The following MSLN variants were observed in gnomAD, a reference collection of about 807,000 sequenced individuals.
The protein encoded by MSLN is CAK1 antigen.
MSLN carries 82 observed loss-of-function variants against 72.6 expected under a neutral mutation model. The ratio of observed to expected loss-of-function variants is 1.13; its 90% CI spans 0.94 to 1.36. MSLN has a LOEUF of 1.36. Among genes scored for constraint, MSLN ranks in the 40% most tolerant of loss-of-function variants. MSLN has a pLI of 0.00. For missense variants in MSLN, 1,005 were observed against 847.9 expected, an observed-to-expected ratio of 1.19 and a Z score of -2.30; for synonymous variants, 456 against 387.3, an observed-to-expected ratio of 1.18 and a Z score of -2.08.
At chr16:767,250 C>A in intron 15 of MSLN, 126 bp from the exon 16 acceptor site, 1 of 1,139,608 alleles carries the variant, frequency 8.8e-7, no homozygotes, top group Non-Finnish European at 1.3e-6. Flanking sequence ...CTAGGCAAAC[C>A]CAGGCCCTGG....
At chr16:768,064 A>G (rs1372066741) in intron 16 of MSLN, among the ~76,000 whole-genome samples, 3 of 63,786 alleles carry the variant, frequency 4.7e-5, no homozygotes, top group Admixed American at 3.9e-4. Flanking sequence ...GAGGAGGGGC[A>G]CATGGAGGGG....
Position 764,676 on chromosome 16 carries a change from GC to G in MSLN, c.336del (p.Glu113ArgfsTer65). On this transcript the variant is annotated frameshift_variant, in exon 7 of 18. Coordinates refer to ENST00000545450, the MANE Select transcript of MSLN (RefSeq NM_005823.6). LOFTEE classifies it high-confidence loss of function. ...LRCLAHRLSE[P>X]PEDLDALPLD... ...GCTGTCTGGCTCACCGGCTCTCTGA[GC>G]CCCCCGAGGACCTGGACGCCCTCCC... 6.2e-7 allele frequency: 1 copy of G among 1,612,426 alleles called. No individual in the cohort carries two copies. The highest frequency in any genetic ancestry group is 1.3e-5 in the African/African-American group (1 of 75,020).
chr16:762,850 CT>C, intron 3 of MSLN, 85 bp downstream of exon 3: 1 of 1,165,556 alleles, frequency 8.6e-7, no homozygotes, highest in Admixed American at 2.4e-5. Flanking sequence ...TTGCCTGCCC[CT>C]GCCTTCTCCC....
At chr16:763,924 G>A in intron 5 of MSLN, 99 bp from the exon 6 acceptor site, 1 of 1,520,334 alleles carries the variant, frequency 6.6e-7, no homozygotes, top group Non-Finnish European at 8.8e-7. Context: ...GAGCACCAGG[G>A]TCCTTTGGGG....
intron 2 of MSLN, among the ~76,000 whole-genome samples, chr16:762,367 T>G (rs763426393): frequency 3.9e-5 from 6 of 152,136 alleles, no homozygotes; most frequent in Non-Finnish European, 7.4e-5. Context: ...CCCGGTTGCT[T>G]GATCTAAGCT....
At chr16:767,527 TG>T (rs1311037965) in intron 16 of MSLN, 57 bp downstream of exon 16, 144 of 425,830 alleles carry the variant, frequency 3.4e-4, no homozygotes, top group South Asian at 9.5e-4. Context: ...GAGGGGCGAG[TG>T]GGAGGAGGGG....
chr16:761,438 C>A (rs1439926827), intron 2 of MSLN, among the ~76,000 whole-genome samples: 5 of 152,224 alleles, frequency 3.3e-5, no homozygotes, highest in Non-Finnish European at 7.3e-5. Context: ...CCCCCATGGC[C>A]TGCAGAGGCC....
Position 766,811 on chromosome 16 carries a change from G to C in MSLN, c.1373+1G>C. On this transcript the variant is annotated splice_donor_variant, in intron 14 of 17. Coordinates refer to ENST00000545450, the MANE Select transcript of MSLN (RefSeq NM_005823.6). LOFTEE classifies it high-confidence loss of function. ...GCTCCGTGCCCCCCAGCAGCATCTG[G>C]TGAGTCCCCAGAACTCTGCCCGGCA... The C allele has an allele frequency of 6.2e-7, 1 of 1,612,426 alleles. No individual in the cohort carries two copies. The highest frequency in any genetic ancestry group is 8.5e-7 in the Non-Finnish European group (1 of 1,179,870).
At chr16:763,963 A>C in intron 5 of MSLN, 60 bp from the exon 6 acceptor site, 2 of 1,583,932 alleles carry the variant, frequency 1.3e-6, no homozygotes, top group Non-Finnish European at 1.7e-6. Context: ...CTTGGGGAGC[A>C]CTGGGTGGAC....
At chr16:764,791 T>C (rs2041582601) in intron 7 of MSLN, 65 bp downstream of exon 7, 35 of 1,313,236 alleles carry the variant, frequency 2.7e-5, no homozygotes, top group Non-Finnish European at 3.5e-5. Context: ...CCCAACCCCC[T>C]GCCCCTTGCC....
Position 765,238 on chromosome 16 carries a change from AC to A in MSLN, c.643del (p.Leu215TrpfsTer97). ...TACCCCGGCTGGTGAGCTGCCCGGGACCCCTGGACCAGGACCAGCAGGAGGC... is the reference window on the plus strand; with the variant it reads ...TACCCCGGCTGGTGAGCTGCCCGGGACCCTGGACCAGGACCAGCAGGAGGC... The part of the protein sequence containing the change: ...LLPRLVSCPG[P>X]LDQDQQEAAR... On this transcript the variant is annotated frameshift_variant, in exon 9 of 18. Coordinates refer to ENST00000545450, the MANE Select transcript of MSLN (RefSeq NM_005823.6). LOFTEE classifies it high-confidence loss of function. 6.3e-7 allele frequency: 1 copy of A among 1,583,972 alleles called. No individual in the cohort carries two copies. The highest frequency in any genetic ancestry group is 1.1e-5 in the South Asian group (1 of 88,512).
At position 768,577 on chromosome 16, in the gene MSLN, G is replaced by T; in HGVS notation, c.1783+12G>T. The T allele has an allele frequency of 6.2e-7, 1 of 1,608,290 alleles. No individual in the cohort carries two copies. The highest frequency in any genetic ancestry group is 8.5e-7 in the Non-Finnish European group (1 of 1,177,720). The stretch of plus-strand genomic sequence containing the variant: ...CCTCAGCATGCAAGGTGGGCGGGGC[G>T]GCCAGGCCAGGGCTGGGGGCAGAGC... On this transcript the variant is annotated intron_variant, in intron 17 of 17. Coordinates refer to ENST00000545450, the MANE Select transcript of MSLN (RefSeq NM_005823.6).
Position 765,197 on chromosome 16 carries a change from T to C in MSLN, c.598T>C (p.Ser200Pro). ...CDLPGRFVAE[S>P]AEVLLPRLVS... is the part of the protein sequence containing the mutation. ...CCTGCCTGGGCGCTTTGTGGCCGAG[T>C]CGGCCGAAGTGCTGCTACCCCGGCT... Residue 200 changes from serine (S) to proline (P), a missense_variant, in exon 9 of 18, where the codon TCG becomes CCG. Transcript: ENST00000545450. 3.1e-6 allele frequency: 5 copies of C among 1,593,064 alleles called. No homozygotes were observed. Among genetic ancestry groups the C allele is most frequent in the Non-Finnish European group, 3.4e-6 (4 of 1,175,480 alleles).
intron 2 of MSLN, chr16:762,442 G>A: frequency 1.8e-6 from 1 of 543,554 alleles, no homozygotes. Flanking sequence ...GGCTGTCTGG[G>A]CTGGGGACCG....
intron 15 of MSLN, 41 bp from the exon 16 acceptor site, chr16:767,335 T>C (rs1297038908): frequency 1.3e-6 from 2 of 1,549,596 alleles, no homozygotes; most frequent in African/African-American, 2.7e-5. Flanking sequence ...CCTGGGGGTG[T>C]GAGGTGAGGC....
At chr16:765,878 C>A in intron 11 of MSLN, 88 bp downstream of exon 11, 1 of 1,398,088 alleles carries the variant, frequency 7.2e-7, no homozygotes, top group Non-Finnish European at 9.8e-7. Flanking sequence ...CTGCCCCTCC[C>A]TGGCTCTGCA....
intron 2 of MSLN, among the ~76,000 whole-genome samples, chr16:761,747 G>A (rs761023690): frequency 6.6e-6 from 1 of 152,328 alleles, no homozygotes. Context: ...GCCTCCCCGC[G>A]ACATTCCCCA....
intron 5 of MSLN, 38 bp from the exon 6 acceptor site, chr16:763,985 G>C (rs746429431): frequency 1.3e-5 from 20 of 1,591,008 alleles, no homozygotes; most frequent in Middle Eastern, 2.1e-4. Context: ...TTGCAGGGGA[G>C]GGGCGATCGT....
intron 2 of MSLN, among the ~76,000 whole-genome samples, chr16:761,951 C>A (rs2041541449): frequency 6.6e-6 from 1 of 152,196 alleles, no homozygotes; most frequent in African/African-American, 2.4e-5. Flanking sequence ...TTCTGCGAGC[C>A]CCACCCCTAC....
Sources: allele counts gnomAD v4.1 joint callset (sites outside exome capture counted in the v4.1 genomes callset), GRCh38; gene constraint gnomAD v4.1.1; transcripts MANE v1.5; gene names NCBI Gene and HGNC (gene_info 2026-07-23, HGNC 2026-07-21).